Variants in ACAP2 observed in about 807,000 individuals in gnomAD.
ACAP2 encodes ArfGAP with coiled-coil, ankyrin repeat and PH domains 2.
A neutral mutation model predicts 115.8 loss-of-function variants in ACAP2; 39 were observed. The ratio of observed to expected loss-of-function variants is 0.34; its 90% CI spans 0.26 to 0.44. ACAP2 has a LOEUF of 0.44. Among genes scored for constraint, ACAP2 ranks in the 20% least tolerant of loss-of-function variants. The probability of loss-of-function intolerance (pLI) is 1.00; values close to 1 mark genes in which losing one functional copy is unlikely to be tolerated. For synonymous variants in ACAP2, 289 were observed against 315.8 expected, an observed-to-expected ratio of 0.92 and a Z score of 0.90; for missense variants, 662 against 927.6, an observed-to-expected ratio of 0.71 and a Z score of 3.72.
chr3:195,333,512 T>C (rs1730310036), intron 7 of ACAP2, among the ~76,000 whole-genome samples: 1 of 152,212 alleles, frequency 6.6e-6, no homozygotes, highest in African/African-American at 2.4e-5. Flanking sequence ...ACCAAATCTA[T>C]TTGAAAATTA....
At chr3:195,440,215 A>C (rs1715895795) in intron 1 of ACAP2, among the ~76,000 whole-genome samples, 1 of 152,234 alleles carries the variant, frequency 6.6e-6, no homozygotes, top group African/African-American at 2.4e-5. Context: ...ACCCAAAATT[A>C]TACAACGAAA....
At chr3:195,391,108 A>G (rs1734641255) in intron 2 of ACAP2, among the ~76,000 whole-genome samples, 1 of 152,220 alleles carries the variant, frequency 6.6e-6, no homozygotes, top group Admixed American at 6.5e-5. Context: ...AATTGTATTT[A>G]CATTTGAACG....
chr3:195,318,411 G>C (rs1377629666), intron 10 of ACAP2, among the ~76,000 whole-genome samples: 1 of 152,244 alleles, frequency 6.6e-6, no homozygotes, highest in Non-Finnish European at 1.5e-5. Context: ...GAACTTCCAA[G>C]AGACTTGTTG....
At chr3:195,377,073 T>TA (rs2108742078) in intron 4 of ACAP2, among the ~76,000 whole-genome samples, 2 of 150,850 alleles carry the variant, frequency 1.3e-5, no homozygotes, top group East Asian at 4.0e-4. Flanking sequence ...CATGATTTTA[T>TA]AAATTTTTAA....
At chr3:195,320,867 C>A in intron 9 of ACAP2, 54 bp from the exon 10 acceptor site, 1 of 1,187,188 alleles carries the variant, frequency 8.4e-7, no homozygotes. Context: ...GTTTCCTAGA[C>A]AAGAAATGGA....
chr3:195,334,322 T>G (rs1326070294), intron 7 of ACAP2, among the ~76,000 whole-genome samples: 1 of 151,460 alleles, frequency 6.6e-6, no homozygotes, highest in East Asian at 1.9e-4. Flanking sequence ...AACAAATTTG[T>G]GAATAAAAAC....
At position 195,292,302 on chromosome 3, in the gene ACAP2, T is replaced by A; in HGVS notation, c.1916A>T (p.Glu639Val). 6.2e-7 allele frequency: 1 copy of A among 1,601,710 alleles called. No homozygotes were observed. The highest frequency in any genetic ancestry group is 8.5e-7 in the Non-Finnish European group (1 of 1,177,028). The change falls in exon 19 of 23, where the codon GAA becomes GTA. Residue 639 changes from glutamate (E) to valine (V), a missense_variant. Physicochemically the swap from Glu to Val is moderately radical, Grantham distance 121. Coordinates refer to ENST00000326793, the MANE Select transcript of ACAP2 (RefSeq NM_012287.6). ...CTGAATAAGTGGTGTCGCTTTGTTT[T>A]CCTCTGAATTGGCCCAGTTCACGTC... is the stretch of plus-strand genomic sequence containing the variant. The part of the protein sequence containing the change: ...GADVNWANSE[E>V]NKATPLIQAV...
intron 1 of ACAP2, among the ~76,000 whole-genome samples, chr3:195,416,182 C>T (rs1363789438): frequency 1.3e-5 from 2 of 151,984 alleles, no homozygotes; most frequent in African/African-American, 4.8e-5. Flanking sequence ...CCTGTCTCTA[C>T]TAAAAATACA....
intron 9 of ACAP2, among the ~76,000 whole-genome samples, chr3:195,324,674 A>T (rs1729659243): frequency 6.6e-6 from 1 of 152,084 alleles, no homozygotes; most frequent in South Asian, 2.1e-4. Context: ...GAATCACTTA[A>T]ACCCAGGAGG....
chr3:195,432,923 T>C (rs146125410), intron 1 of ACAP2, among the ~76,000 whole-genome samples: 24 of 152,032 alleles, frequency 1.6e-4, no homozygotes, highest in African/African-American at 5.8e-4. Flanking sequence ...ATAGACAGAT[T>C]GGTTTTCTTT....
intron 4 of ACAP2, among the ~76,000 whole-genome samples, chr3:195,348,734 C>G (rs1190733642): frequency 6.6e-6 from 1 of 152,098 alleles, no homozygotes; most frequent in African/African-American, 2.4e-5. Flanking sequence ...GTATGACAGA[C>G]ACAAAAAAGC....
At chr3:195,407,710 AAGAT>A (rs1577431002) in intron 1 of ACAP2, among the ~76,000 whole-genome samples, 2 of 152,216 alleles carry the variant, frequency 1.3e-5, no homozygotes, top group African/African-American at 4.8e-5. Context: ...AGAAAAAAGA[AAGAT>A]AGATCTCAGA....
At chr3:195,359,528 C>A (rs1375159222) in intron 4 of ACAP2, among the ~76,000 whole-genome samples, 1 of 152,176 alleles carries the variant, frequency 6.6e-6, no homozygotes, top group East Asian at 1.9e-4. Context: ...AGTGCAGTGG[C>A]GTGATCTCTG....
chr3:195,337,413 C>T (rs1400643767), intron 6 of ACAP2, among the ~76,000 whole-genome samples: 1 of 150,104 alleles, frequency 6.7e-6, no homozygotes, highest in Non-Finnish European at 1.5e-5. Flanking sequence ...TCTTGACTCC[C>T]TACAATCCAT....
chr3:195,307,008 C>T (rs1348880024), intron 12 of ACAP2: 24 of 431,892 alleles, frequency 5.6e-5, no homozygotes, highest in Non-Finnish European at 8.6e-5. Flanking sequence ...CCATAAATCA[C>T]CTTTATGGAA....
chr3:195,353,590 G>A (rs1731753571), intron 4 of ACAP2, among the ~76,000 whole-genome samples: 2 of 152,208 alleles, frequency 1.3e-5, no homozygotes, highest in Admixed American at 1.3e-4. Flanking sequence ...GACTAGGAAT[G>A]AGGGAAGAAG....
chr3:195,376,892 T>G (rs1733584179), intron 4 of ACAP2, among the ~76,000 whole-genome samples: 1 of 152,190 alleles, frequency 6.6e-6, no homozygotes, highest in Non-Finnish European at 1.5e-5. Flanking sequence ...CAGGTTACAC[T>G]ATTTATTATC....
intron 8 of ACAP2, among the ~76,000 whole-genome samples, chr3:195,332,679 C>CT (rs1477982504): frequency 6.6e-6 from 1 of 152,118 alleles, no homozygotes; most frequent in Admixed American, 6.5e-5. Context: ...GTCATGGGGG[C>CT]GGTTTCCCCC....
At chr3:195,369,352 T>C (rs1732964832) in intron 4 of ACAP2, among the ~76,000 whole-genome samples, 1 of 152,170 alleles carries the variant, frequency 6.6e-6, no homozygotes, top group Admixed American at 6.5e-5. Flanking sequence ...GATGTACAGA[T>C]TGTTTCATCA....
Sources: gnomAD v4.1 joint callset for allele counts (sites outside exome capture counted in the v4.1 genomes callset) on GRCh38, gnomAD v4.1.1 for gene constraint, MANE v1.5 for transcripts, NCBI Gene and HGNC (gene_info 2026-07-23, HGNC 2026-07-21) for gene names.